Variants in SIN3B observed in about 807,000 individuals in gnomAD.
SIN3B encodes paired amphipathic helix protein Sin3b.
SIN3B carries 19 observed loss-of-function variants against 120.2 expected under a neutral mutation model. That is an observed-to-expected ratio of 0.16 (90% CI 0.11 to 0.23). SIN3B has a LOEUF of 0.23. Ranked by LOEUF, SIN3B falls within the 10% of genes least tolerant of loss-of-function variation. The probability of loss-of-function intolerance (pLI) is 1.00; values close to 1 mark genes in which losing one functional copy is unlikely to be tolerated. For missense variants in SIN3B, 1,073 were observed against 1,573.0 expected (o/e 0.68, Z 5.38); for synonymous variants, 654 against 653.2 (o/e 1.00, Z -0.02).
intron 12 of SIN3B, among the ~76,000 whole-genome samples, chr19:16,868,856 C>T (rs1477905413): frequency 1.3e-5 from 2 of 152,026 alleles, no homozygotes; most frequent in African/African-American, 2.4e-5. Flanking sequence ...CAGGGGCTGG[C>T]GGGGACAGCA....
Position 16,867,593 on chromosome 19 carries a change from C to T in SIN3B, c.1806+1037C>T, listed in dbSNP as rs1013452986. ...CCCAGGCAGTGCCCAGATCATGGCA[C>T]GGGCTGCGTTATCAGCCTGGTGCCC... On this transcript the variant is annotated intron_variant, in intron 12 of 18. Transcript: ENST00000248054. Among the ~76,000 whole-genome samples the T allele has an allele frequency of 1.1e-4, 17 of 152,326 alleles. 1 individual carries two copies. In the South Asian group the frequency reaches 2.3e-3, roughly 20 times the overall value.
intron 4 of SIN3B, chr19:16,846,216 G>A (rs1971476721): frequency 6.6e-6 from 1 of 152,228 alleles, no homozygotes; most frequent in African/African-American, 2.4e-5. Flanking sequence ...CTTTTTGGAA[G>A]GGTGGTGTTT....
At chr19:16,877,476 A>G (rs2144635437) in intron 16 of SIN3B, 69 bp from the exon 17 acceptor site, 4 of 1,152,668 alleles carry the variant, frequency 3.5e-6, no homozygotes, top group Non-Finnish European at 5.1e-6. Context: ...CTGAACTCAG[A>G]GTCCAGAGTA....
At chr19:16,834,264 G>A (rs550723997) in intron 3 of SIN3B, among the ~76,000 whole-genome samples, 34 of 152,280 alleles carry the variant, frequency 2.2e-4, no homozygotes, top group Admixed American at 4.6e-4. Flanking sequence ...GGAAACTCTG[G>A]GTCTCGTTCC....
chr19:16,863,166 C>T (rs1189271657), intron 9 of SIN3B: 2 of 565,894 alleles, frequency 3.5e-6, no homozygotes, highest in African/African-American at 1.9e-5. Flanking sequence ...TGACCCTTTG[C>T]AGAGAGAATT....
rs1361415013 is a variant in SIN3B, at chr19:16,862,177, G to A, written c.1059-175G>A. ...GGAGGCCCATTCATTCACACACCCC[G>A]GGACTTGCAGTGACTTCCTGTGTAT... is the stretch of plus-strand genomic sequence containing the variant. On this transcript the variant is annotated intron_variant, in intron 8 of 18. Transcript: ENST00000248054. The surrounding 1 kb of genome is among the most constrained non-coding windows in gnomAD (Gnocchi z 4.7). 2.0e-5 allele frequency among the ~76,000 whole-genome samples: 3 copies of A among 152,182 alleles called. No homozygotes were observed. Among genetic ancestry groups the A allele is most frequent in the South Asian group, 2.1e-4 (1 of 4,830 alleles).
At chr19:16,857,768 A>C (rs1487953871) in intron 8 of SIN3B, among the ~76,000 whole-genome samples, 2 of 152,156 alleles carry the variant, frequency 1.3e-5, no homozygotes, top group Non-Finnish European at 2.9e-5. Flanking sequence ...CACCTGCACT[A>C]ATGACGGCAC....
intron 3 of SIN3B, among the ~76,000 whole-genome samples, chr19:16,841,562 C>A (rs1319786443): frequency 1.3e-5 from 2 of 152,064 alleles, no homozygotes; most frequent in Non-Finnish European, 2.9e-5. Context: ...TGGTAAGGAT[C>A]GGGTGGAGGT....
chr19:16,870,382 T>A (rs549483477), intron 13 of SIN3B, among the ~76,000 whole-genome samples: 14 of 138,562 alleles, frequency 1.0e-4, no homozygotes, highest in Non-Finnish European at 1.7e-4. Flanking sequence ...GTACCCTTTT[T>A]CTTTCTTTTT....
rs917435453 is a variant in SIN3B at position 16,862,664 on chromosome 19, C to T, written c.1266+105C>T. On this transcript the variant is annotated intron_variant, in intron 9 of 18. Coordinates refer to ENST00000248054, the MANE Select transcript of SIN3B (RefSeq NM_001297595.2). The surrounding 1 kb of genome is among the most constrained non-coding windows in gnomAD (Gnocchi z 4.7). ...TATGAATGAAATGCTGTGTGCTCAG[C>T]CCTCCTGAATGTTGGGTTATGGGTG... 15 of 1,242,628 alleles carry T rather than the reference C, an allele frequency of 1.2e-5. No homozygotes were observed. Among genetic ancestry groups the T allele is most frequent in the South Asian group, 2.5e-5 (2 of 79,368 alleles). The allele number at this position is 1,242,628 out of a possible 1,614,324, so 77.0% of individuals were successfully genotyped here.
Position 16,866,569 on chromosome 19 carries a change from CT to C in SIN3B, c.1806+14del. 6.2e-7 allele frequency: 1 copy of C among 1,612,656 alleles called. No homozygotes were observed. Among genetic ancestry groups the C allele is most frequent in the Non-Finnish European group, 8.5e-7 (1 of 1,179,632 alleles). On this transcript the variant is annotated intron_variant, in intron 12 of 18. Coordinates refer to ENST00000248054, the MANE Select transcript of SIN3B (RefSeq NM_001297595.2). ...CGTCTACGACGAGGTAAAGCCTTCC[CT>C]AGCCCTGCCGGCCGGTGGGGGTGGG...
At chr19:16,839,355 T>C (rs1971387957) in intron 3 of SIN3B, among the ~76,000 whole-genome samples, 1 of 152,154 alleles carries the variant, frequency 6.6e-6, no homozygotes. Context: ...ATGGTAGCAA[T>C]AATTCCATGG....
chr19:16,833,501 G>A (rs552374285), intron 3 of SIN3B, among the ~76,000 whole-genome samples: 6 of 151,958 alleles, frequency 3.9e-5, no homozygotes, highest in Admixed American at 1.3e-4. Context: ...GCGCAGTGGA[G>A]CATGCCTGTA....
At chr19:16,877,323 G>T in intron 16 of SIN3B, 1 of 556,996 alleles carries the variant, frequency 1.8e-6, no homozygotes, top group Admixed American at 3.2e-5. Flanking sequence ...CTCCTCAGCT[G>T]TGGCCTGGTT....
intron 5 of SIN3B, among the ~76,000 whole-genome samples, chr19:16,851,072 C>T (rs992997768): frequency 5.9e-5 from 7 of 117,830 alleles, no homozygotes; most frequent in South Asian, 3.0e-4. Context: ...ATGCACACGG[C>T]GAGATGCCCC....
Position 16,879,577 on chromosome 19 carries a change from C to T in SIN3B, c.*850C>T, listed in dbSNP as rs769577291. 1.3e-5 allele frequency: 2 copies of T among 152,282 alleles called. No individual in the cohort carries two copies. Among genetic ancestry groups the T allele is most frequent in the East Asian group, 1.9e-4 (1 of 5,206 alleles). The allele number at this position is 152,282 out of a possible 1,614,324, so 9.4% of individuals were successfully genotyped here. On this transcript the variant is annotated 3_prime_UTR_variant, in exon 19 of 19. Coordinates refer to ENST00000248054, the MANE Select transcript of SIN3B (RefSeq NM_001297595.2). ...CTTTCGCTTTTAGTGGTTGTTATTTCTGTAGCAGCCAAGTCCTGCGGCTCC... is the reference window on the plus strand; with the variant it reads ...CTTTCGCTTTTAGTGGTTGTTATTTTTGTAGCAGCCAAGTCCTGCGGCTCC...
intron 3 of SIN3B, among the ~76,000 whole-genome samples, chr19:16,838,971 T>G (rs1036377719): frequency 4.2e-5 from 1 of 23,648 alleles, no homozygotes; most frequent in Non-Finnish European, 1.0e-4. Context: ...CGCGCCTGGC[T>G]TTTTTTTTTT....
intron 11 of SIN3B, among the ~76,000 whole-genome samples, 169 bp from the exon 12 acceptor site, chr19:16,866,204 G>A (rs927650198): frequency 1.3e-5 from 2 of 152,142 alleles, no homozygotes; most frequent in Non-Finnish European, 2.9e-5. Flanking sequence ...AGGCCATCAC[G>A]CCCTCCCTCT....
In SIN3B at chr19:16,829,870, A is replaced by G. The variant is rs763384742; in HGVS notation, c.200A>G (p.Glu67Gly). 1.2e-6 allele frequency: 2 copies of G among 1,613,402 alleles called. No homozygotes were observed. Among genetic ancestry groups the G allele is most frequent in the Non-Finnish European group, 1.7e-6 (2 of 1,179,596 alleles). ...CCTGCCACCTACAACGGCTTCCTGG[A>G]GATCATGAAGGAGTTCAAAAGCCAG... ...SDPATYNGFL[E>G]IMKEFKSQSI... is the part of the protein sequence containing the mutation. The change falls in exon 2 of 19, where the codon GAG becomes GGG. Residue 67 changes from glutamate to glycine, a missense_variant. Physicochemically the swap from Glu to Gly is moderately conservative, Grantham distance 98. Coordinates refer to ENST00000248054, the MANE Select transcript of SIN3B (RefSeq NM_001297595.2).
Sources: gnomAD v4.1 joint callset for allele counts (sites outside exome capture counted in the v4.1 genomes callset) on GRCh38, gnomAD v4.1.1 for gene constraint, Gnocchi (gnomAD v3.1) non-coding constraint, MANE v1.5 for transcripts, NCBI Gene and HGNC (gene_info 2026-07-23, HGNC 2026-07-21) for gene names.